The following PUM1 variants were observed in gnomAD, a reference collection of about 807,000 sequenced individuals.
The protein encoded by PUM1 is pumilio homolog 1.
A neutral mutation model predicts 131.8 loss-of-function variants in PUM1; 13 were observed. That is an observed-to-expected ratio of 0.10 (90% CI 0.06 to 0.16). The LOEUF (loss-of-function observed/expected upper bound fraction) is 0.16. Among genes scored for constraint, PUM1 ranks in the 10% least tolerant of loss-of-function variants. The pLI, the probability that PUM1 is intolerant of heterozygous loss-of-function variation, is 1.00. For missense variants in PUM1, 961 were observed against 1,512.4 expected, an observed-to-expected ratio of 0.64 and a Z score of 6.05; for synonymous variants, 509 against 556.5, an observed-to-expected ratio of 0.91 and a Z score of 1.20.
At chr1:30,999,863 A>G (rs1480050016) in intron 5 of PUM1, among the ~76,000 whole-genome samples, 1 of 152,238 alleles carries the variant, frequency 6.6e-6, no homozygotes, top group African/African-American at 2.4e-5. Flanking sequence ...TCTTTGTAAC[A>G]CTATACATGA....
chr1:31,034,275 GA>G (rs1171590010), intron 2 of PUM1, among the ~76,000 whole-genome samples: 1 of 152,124 alleles, frequency 6.6e-6, no homozygotes, highest in Non-Finnish European at 1.5e-5. Context: ...TCTGTTGCCT[GA>G]TTAGAGAAAC....
At chr1:30,937,335 C>T (rs1440898398) in intron 20 of PUM1, among the ~76,000 whole-genome samples, 1 of 152,166 alleles carries the variant, frequency 6.6e-6, no homozygotes, top group Non-Finnish European at 1.5e-5. Flanking sequence ...ACAAACCTTA[C>T]TTATGCCTAT....
chr1:31,051,495 G>A (rs1003991399), intron 2 of PUM1, among the ~76,000 whole-genome samples: 1 of 152,082 alleles, frequency 6.6e-6, no homozygotes, highest in African/African-American at 2.4e-5. Flanking sequence ...TAGAGATGGG[G>A]TTTCTCCATG....
chr1:30,985,453 G>T (rs1277411634), intron 7 of PUM1, among the ~76,000 whole-genome samples: 3 of 152,090 alleles, frequency 2.0e-5, no homozygotes, highest in African/African-American at 7.2e-5. Context: ...AGGAGTTCGA[G>T]ACCAGCCTGA....
At chr1:31,060,555 T>C (rs932876934) in intron 1 of PUM1, among the ~76,000 whole-genome samples, 3 of 152,080 alleles carry the variant, frequency 2.0e-5, no homozygotes, top group Non-Finnish European at 4.4e-5. Flanking sequence ...TAAGTAGCAA[T>C]GGCTCAGATT....
chr1:31,051,821 T>G (rs1644116680), intron 2 of PUM1, among the ~76,000 whole-genome samples: 1 of 152,112 alleles, frequency 6.6e-6, no homozygotes, highest in Non-Finnish European at 1.5e-5. Context: ...CAATCGACTT[T>G]AATTTTTTTG....
intron 14 of PUM1, 30 bp from the exon 15 acceptor site, chr1:30,954,011 A>C (rs1640049017): frequency 6.3e-7 from 1 of 1,597,082 alleles, no homozygotes. Flanking sequence ...ATAACTTAAG[A>C]CCACTCTTCA....
At position 30,931,539 on chromosome 1, in the gene PUM1, G is replaced by GATCAC. The variant is rs1031444219; in HGVS notation, c.*1667_*1671dup. ...AAAGTTCTGTATTTTTCAAAATAAA[G>GATCAC]ATCACACATTGTTTAGAGACAATCT... On this transcript the variant is annotated 3_prime_UTR_variant, in exon 22 of 22. Coordinates refer to ENST00000426105, the MANE Select transcript of PUM1 (RefSeq NM_001020658.2). 6.6e-6 allele frequency: 1 copy of GATCAC among 151,682 alleles called. No homozygotes were observed. The highest frequency in any genetic ancestry group is 1.5e-5 in the Non-Finnish European group (1 of 67,798). 9.4% of individuals were successfully genotyped at this position (151,682 alleles called of 1,614,324 possible).
intron 2 of PUM1, among the ~76,000 whole-genome samples, chr1:31,031,340 CTATTTA>C (rs1229434363): frequency 6.6e-6 from 1 of 152,124 alleles, no homozygotes; most frequent in Non-Finnish European, 1.5e-5. Context: ...ATTAAAAATT[CTATTTA>C]TATGTCCCAA....
chr1:31,020,347 C>T (rs1642977374), intron 3 of PUM1, among the ~76,000 whole-genome samples: 1 of 152,182 alleles, frequency 6.6e-6, no homozygotes, highest in Non-Finnish European at 1.5e-5. Flanking sequence ...GTGAATAGTG[C>T]TGCAATAAAC....
At chr1:30,977,054 A>G (rs1641163066) in intron 9 of PUM1, among the ~76,000 whole-genome samples, 2 of 152,216 alleles carry the variant, frequency 1.3e-5, no homozygotes, top group Admixed American at 6.5e-5. Flanking sequence ...ATTGTAGACT[A>G]TGTGTGTGTC....
chr1:30,984,577 C>A (rs972906295), intron 7 of PUM1, among the ~76,000 whole-genome samples: 1 of 152,130 alleles, frequency 6.6e-6, no homozygotes, highest in Non-Finnish European at 1.5e-5. Context: ...AGTCTGAATG[C>A]TGGGGAAAAT....
chr1:30,966,029 G>A lies in PUM1; in HGVS notation c.2039C>T (p.Ser680Phe). ...NTSLGFGSSS[S>F]LGATLGSALG... ...GGCGGATCCCAGGGTGGCGCCGAGA[G>A]AACTGCTACTTCCGAATCCCAAGGA... Residue 680 changes from serine (S) to phenylalanine (F), a missense_variant, in exon 13 of 22, where the codon TCT becomes TTT. By Grantham distance (155) the Ser-to-Phe change is radical. This residue lies in a region of PUM1 where 654 missense variants were observed against 923.9 expected (regional missense o/e 0.71). Transcript: ENST00000426105. 1 of 1,614,236 alleles carries A rather than the reference G, an allele frequency of 6.2e-7. No individual in the cohort carries two copies. Among genetic ancestry groups the A allele is most frequent in the Non-Finnish European group, 8.5e-7 (1 of 1,180,038 alleles).
At position 31,032,788 on chromosome 1, in the gene PUM1, T is replaced by C. The variant is rs112228002; in HGVS notation, c.364-3924A>G. Among the ~76,000 whole-genome samples, 1,246 of 152,098 alleles carry C rather than the reference T, an allele frequency of 8.2e-3. 21 individuals are homozygous for C. The highest frequency in any genetic ancestry group is 0.028 in the African/African-American group (1,157 of 41,508). ...CACCACTACACTCCAGCCTGGGCCA[T>C]AGAGGGAGACCCTGTTTCAAAAATA... On this transcript the variant is annotated intron_variant, in intron 2 of 21. Transcript: ENST00000426105.
chr1:31,045,249 T>G (rs893960749), intron 2 of PUM1, among the ~76,000 whole-genome samples: 1 of 151,948 alleles, frequency 6.6e-6, no homozygotes, highest in Non-Finnish European at 1.5e-5. Flanking sequence ...TTCTCCTGCC[T>G]CGGCCTCTTG....
intron 2 of PUM1, among the ~76,000 whole-genome samples, chr1:31,038,971 TATATA>T (rs1409059473): frequency 6.0e-5 from 2 of 33,370 alleles, no homozygotes; most frequent in Non-Finnish European, 1.1e-4. Context: ...TATATATATA[TATATA>T]TATATATATT....
chr1:30,945,005 G>A (rs1394678383), intron 18 of PUM1, among the ~76,000 whole-genome samples: 1 of 152,232 alleles, frequency 6.6e-6, no homozygotes, highest in Non-Finnish European at 1.5e-5. Context: ...GGCTGAGGCA[G>A]GTGGATTGCT....
intron 13 of PUM1, 129 bp downstream of exon 13, chr1:30,965,853 T>G: frequency 1.1e-6 from 1 of 940,820 alleles, no homozygotes; most frequent in Non-Finnish European, 1.6e-6. Flanking sequence ...TCACAGATTA[T>G]GTGGGATGGC....
chr1:30,952,468 G>T, intron 15 of PUM1, 105 bp from the exon 16 acceptor site: 1 of 1,544,444 alleles, frequency 6.5e-7, no homozygotes, highest in Non-Finnish European at 8.8e-7. Context: ...ACATGTGAGT[G>T]AGCATGTGTG....
Sources: allele counts gnomAD v4.1 joint callset (sites outside exome capture counted in the v4.1 genomes callset), GRCh38; gene constraint gnomAD v4.1.1; regional missense constraint gnomAD v4.1.1; transcripts MANE v1.5; gene names NCBI Gene and HGNC (gene_info 2026-07-23, HGNC 2026-07-21).